CELSR3: variants seen among roughly 807,000 people sequenced by gnomAD.
The protein encoded by CELSR3 is cadherin EGF LAG seven-pass G-type receptor 3.
A neutral mutation model predicts 270.0 loss-of-function variants in CELSR3; 73 were observed. The ratio of observed to expected loss-of-function variants is 0.27; its 90% CI spans 0.22 to 0.33. The LOEUF (loss-of-function observed/expected upper bound fraction) is 0.33. Among genes scored for constraint, CELSR3 ranks in the 10% least tolerant of loss-of-function variants. CELSR3 has a pLI of 1.00. For synonymous variants in CELSR3, 1,780 were observed against 1,905.4 expected (o/e 0.93, Z 1.71); for missense variants, 3,614 against 4,533.8 (o/e 0.80, Z 5.83).
At chr3:48,649,270 G>C in intron 16 of CELSR3, 55 bp from the exon 17 acceptor site, 1 of 1,346,226 alleles carries the variant, frequency 7.4e-7, no homozygotes, top group South Asian at 1.2e-5. Flanking sequence ...TTGCTGAGGA[G>C]ATAACCGCAG....
chr3:48,661,984 G>T lies in CELSR3; in HGVS notation c.651C>A (p.Gly217=). 6.2e-7 allele frequency: 1 copy of T among 1,613,934 alleles called. No individual in the cohort carries two copies. Among genetic ancestry groups the T allele is most frequent in the South Asian group, 1.1e-5 (1 of 91,084 alleles). ...CTGCTCCGGATGTCGTGGCTCTCTCGCCCTGACCCTTGCTCCCTGTTGCCC... is the reference window on the plus strand; with the variant it reads ...CTGCTCCGGATGTCGTGGCTCTCTCTCCCTGACCCTTGCTCCCTGTTGCCC... ...ELWATGSKGQ[G]ERATTSGAER... is the part of the protein sequence containing the mutation. Residue 217 remains glycine (G), a synonymous_variant, in exon 1 of 35, where the codon GGC becomes GGA. Transcript: ENST00000164024.
Position 48,659,273 on chromosome 3 carries a change from G to A in CELSR3, c.3362C>T (p.Ser1121Phe). Residue 1121 changes from serine (S) to phenylalanine (F), a missense_variant, in exon 1 of 35, where the codon TCT becomes TTT. Ser to Phe is a radical substitution (Grantham distance 155). Coordinates refer to ENST00000164024, the MANE Select transcript of CELSR3 (RefSeq NM_001407.3). The surrounding 1 kb of genome is among the most constrained non-coding windows in gnomAD (Gnocchi z 8.1). ...GTCAATGAGTGCCGTCAGTTCTCCA[G>A]AGAAGATGTCCATTTGGAACAGCTC... ...IPELFQMDIF[S>F]GELTALIDLD... 6.2e-7 allele frequency: 1 copy of A among 1,614,172 alleles called. No homozygotes were observed. The highest frequency in any genetic ancestry group is 8.5e-7 in the Non-Finnish European group (1 of 1,180,036).
At position 48,655,870 on chromosome 3, in the gene CELSR3, G is replaced by T. The variant is rs1260086959; in HGVS notation, c.4626-19C>A. 7.5e-7 allele frequency: 1 copy of T among 1,328,928 alleles called. No homozygotes were observed. The highest frequency in any genetic ancestry group is 1.2e-5 in the South Asian group (1 of 82,244). The allele number at this position is 1,328,928 out of a possible 1,614,324, so 82.3% of individuals were successfully genotyped here. On this transcript the variant is annotated intron_variant, in intron 3 of 34. Coordinates refer to ENST00000164024, the MANE Select transcript of CELSR3 (RefSeq NM_001407.3). This position sits in a 1 kb window ranked among gnomAD's most constrained non-coding sequence, Gnocchi z 5.8. ...CGCGAACCTGGGCGGGGTGGGAGGGGGTTGCGGGGGTGGGAGCGTCAGGAG... is the reference window on the plus strand; with the variant it reads ...CGCGAACCTGGGCGGGGTGGGAGGGTGTTGCGGGGGTGGGAGCGTCAGGAG...
In CELSR3 at chr3:48,657,830, AT is replaced by A. The variant is rs2077034736; in HGVS notation, c.3749-483del. On this transcript the variant is annotated intron_variant, in intron 1 of 34. Transcript: ENST00000164024. The surrounding 1 kb of genome is among the most constrained non-coding windows in gnomAD (Gnocchi z 5.4). The stretch of plus-strand genomic sequence containing the variant: ...CCCCTCCAGAAAAGAAGGGTTCCAG[AT>A]CAGGGATCACCTATCTCCTATTTTT... 6.6e-6 allele frequency among the ~76,000 whole-genome samples: 1 copy of A among 152,162 alleles called. No individual in the cohort carries two copies. The highest frequency in any genetic ancestry group is 2.4e-5 in the African/African-American group (1 of 41,448).
At position 48,641,312 on chromosome 3, in the gene CELSR3, C is replaced by T; in HGVS notation, c.9025+12G>A. 2 of 1,579,218 alleles carry T rather than the reference C, an allele frequency of 1.3e-6. No individual in the cohort carries two copies. Among genetic ancestry groups the T allele is most frequent in the Non-Finnish European group, 1.7e-6 (2 of 1,150,618 alleles). The stretch of plus-strand genomic sequence containing the variant: ...CGTGTCTGCGGTGTGGGCCAGGGCT[C>T]AGGGACTGTACCTTTCCTCTGGCGC... On this transcript the variant is annotated intron_variant, in intron 33 of 34. Transcript: ENST00000164024. This position sits in a 1 kb window ranked among gnomAD's most constrained non-coding sequence, Gnocchi z 4.8.
Position 48,655,859 on chromosome 3 carries a change from G to T in CELSR3, c.4626-8C>A. 1 of 1,433,728 alleles carries T rather than the reference G, an allele frequency of 7.0e-7. No individual in the cohort carries two copies. The highest frequency in any genetic ancestry group is 9.8e-7 in the Non-Finnish European group (1 of 1,020,972). The allele number at this position is 1,433,728 out of a possible 1,614,324, so 88.8% of individuals were successfully genotyped here. On this transcript the variant is annotated splice_region_variant and splice_polypyrimidine_tract_variant and intron_variant, in intron 3 of 34. Transcript: ENST00000164024. This position sits in a 1 kb window ranked among gnomAD's most constrained non-coding sequence, Gnocchi z 5.8. ...TGCTGCACTGTCGCGAACCTGGGCG[G>T]GGTGGGAGGGGGTTGCGGGGGTGGG...
rs754973702 is a variant in CELSR3 at position 48,645,017 on chromosome 3, GGGGGTCACA to G, written c.7972+9_7972+17del. 233 of 1,564,754 alleles carry G rather than the reference GGGGGTCACA, an allele frequency of 1.5e-4. No individual in the cohort carries two copies. Among genetic ancestry groups the G allele is most frequent in the Non-Finnish European group, 1.8e-4 (211 of 1,149,176 alleles). ...TCAGGCCATGTGATGGTTGGAGGTTGGGGGTCACAGCCCTCACCCAGCAGCACAGCAGGG... is the reference window on the plus strand; with the variant it reads ...TCAGGCCATGTGATGGTTGGAGGTTGGCCCTCACCCAGCAGCACAGCAGGG... On this transcript the variant is annotated intron_variant, in intron 25 of 34. Coordinates refer to ENST00000164024, the MANE Select transcript of CELSR3 (RefSeq NM_001407.3). This position sits in a 1 kb window ranked among gnomAD's most constrained non-coding sequence, Gnocchi z 5.4.
In CELSR3 at chr3:48,659,557, G is replaced by C; in HGVS notation, c.3078C>G (p.Asp1026Glu). 1 of 1,614,162 alleles carries C rather than the reference G, an allele frequency of 6.2e-7. No homozygotes were observed. The stretch of plus-strand genomic sequence containing the variant: ...ACTCATACACTGATACTGCCTCCCG[G>C]TCTAGCCGCCTTACTGTACGGACAA... ...SGIVRTVRRL[D>E]REAVSVYELT... is the part of the protein sequence containing the mutation. Residue 1026 changes from aspartate to glutamate, a missense_variant, in exon 1 of 35, where the codon GAC becomes GAG. This residue lies in a region of CELSR3 where 1,331 missense variants were observed against 1,933.7 expected (regional missense o/e 0.69). Coordinates refer to ENST00000164024, the MANE Select transcript of CELSR3 (RefSeq NM_001407.3). This position sits in a 1 kb window ranked among gnomAD's most constrained non-coding sequence, Gnocchi z 8.1.
Position 48,653,932 on chromosome 3 carries a change from C to T in CELSR3, c.5224G>A (p.Gly1742Ser). 6.2e-7 allele frequency: 1 copy of T among 1,613,526 alleles called. No individual in the cohort carries two copies. The highest frequency in any genetic ancestry group is 1.7e-5 in the Admixed American group (1 of 60,032). ...KNSGFCSERW[G>S]SFSCDCPVGF... ...ACAGGGCAGTCGCAGCTGAAGCTGC[C>T]CCAGCGCTCCGAGCAGAAGCCACTG... is the stretch of plus-strand genomic sequence containing the variant. The change falls in exon 8 of 35, where the codon GGC (glycine) becomes AGC (serine). Residue 1742 changes from glycine (G) to serine (S), a missense_variant. Gly to Ser is a moderately conservative substitution (Grantham distance 56, BLOSUM62 0). This residue lies in a region of CELSR3 where 1,331 missense variants were observed against 1,933.7 expected (regional missense o/e 0.69). Coordinates refer to ENST00000164024, the MANE Select transcript of CELSR3 (RefSeq NM_001407.3). The surrounding 1 kb of genome is among the most constrained non-coding windows in gnomAD (Gnocchi z 6.5).
chr3:48,642,098 C>A lies in CELSR3; in HGVS notation c.8666-89G>T, dbSNP rs2047032572. 2 of 1,303,538 alleles carry A rather than the reference C, an allele frequency of 1.5e-6. No individual in the cohort carries two copies. The highest frequency in any genetic ancestry group is 3.0e-5 in the African/African-American group (2 of 67,288). 80.7% of individuals were successfully genotyped at this position (1,303,538 alleles called of 1,614,324 possible). A position where few individuals can be genotyped will look rare whatever the true frequency, so the allele number is the denominator to read the frequency against. On this transcript the variant is annotated intron_variant, in intron 31 of 34. Transcript: ENST00000164024. This position sits in a 1 kb window ranked among gnomAD's most constrained non-coding sequence, Gnocchi z 6.1. Reference sequence around the variant, plus strand: ...GTTGAGGGTCTAGAGGTGGGTACGGCAAGGGGGTTAGGGTTGGGGACAGGA... The same window carrying A: ...GTTGAGGGTCTAGAGGTGGGTACGGAAAGGGGGTTAGGGTTGGGGACAGGA...
At chr3:48,649,862 C>T (rs939758331) in intron 16 of CELSR3, among the ~76,000 whole-genome samples, 10 of 152,270 alleles carry the variant, frequency 6.6e-5, no homozygotes, top group African/African-American at 2.4e-4. Flanking sequence ...GAGATACACA[C>T]GTGAGCATGC....
chr3:48,643,726 A>G, intron 27 of CELSR3, 49 bp from the exon 28 acceptor site: 1 of 1,544,878 alleles, frequency 6.5e-7, no homozygotes, highest in Middle Eastern at 1.7e-4. Context: ...AGGCTCATGT[A>G]GGACTCATGC....
Position 48,639,619 on chromosome 3 carries a change from C to A in CELSR3, c.9911+55G>T, listed in dbSNP as rs997558433. On this transcript the variant is annotated intron_variant, in intron 34 of 34. Transcript: ENST00000164024. This position sits in a 1 kb window ranked among gnomAD's most constrained non-coding sequence, Gnocchi z 4.1. ...GTGGCAGAACACAGGGCAGGGCACA[C>A]AGGAGGTTGCCCTAAGCTGATGAGG... is the stretch of plus-strand genomic sequence containing the variant. 6.3e-7 allele frequency: 1 copy of A among 1,590,638 alleles called. No individual in the cohort carries two copies. The highest frequency in any genetic ancestry group is 2.2e-5 in the East Asian group (1 of 44,728).
rs188966486 is a variant in CELSR3 at position 48,644,055 on chromosome 3, G to C, written c.8165+161C>G. On this transcript the variant is annotated intron_variant, in intron 27 of 34. Coordinates refer to ENST00000164024, the MANE Select transcript of CELSR3 (RefSeq NM_001407.3). The surrounding 1 kb of genome is among the most constrained non-coding windows in gnomAD (Gnocchi z 4.8). ...CACATGTGGGGCTACAGTATAGCGA[G>C]GGCGCCAGAGAGGGACCACAGGTCA... 1 of 627,260 alleles carries C rather than the reference G, an allele frequency of 1.6e-6. No individual in the cohort carries two copies. The highest frequency in any genetic ancestry group is 2.9e-5 in the Admixed American group (1 of 34,210). The allele number at this position is 627,260 out of a possible 1,614,324, so 38.9% of individuals were successfully genotyped here.
rs1022760552 is a variant in CELSR3, at chr3:48,642,231, T to A, written c.8665+127A>T. On this transcript the variant is annotated intron_variant, in intron 31 of 34. Coordinates refer to ENST00000164024, the MANE Select transcript of CELSR3 (RefSeq NM_001407.3). This position sits in a 1 kb window ranked among gnomAD's most constrained non-coding sequence, Gnocchi z 6.1. ...CAGGGCTGGAGAGGTAGGTGCCTCC[T>A]GAGGCAGGGACCCTGGGGGAGATCG... 4 of 1,073,042 alleles carry A rather than the reference T, an allele frequency of 3.7e-6. No individual in the cohort carries two copies. Among genetic ancestry groups the A allele is most frequent in the Non-Finnish European group, 5.3e-6 (4 of 761,740 alleles). 66.5% of individuals were successfully genotyped at this position (1,073,042 alleles called of 1,614,324 possible).
rs200430426 is a variant in CELSR3, at chr3:48,655,737, C to A, written c.4740G>T (p.Thr1580=). The change falls in exon 4 of 35, where the codon ACG becomes ACT. Residue 1580 remains threonine (T), a splice_region_variant and synonymous_variant. Coordinates refer to ENST00000164024, the MANE Select transcript of CELSR3 (RefSeq NM_001407.3). This position sits in a 1 kb window ranked among gnomAD's most constrained non-coding sequence, Gnocchi z 5.8. ...CGCCGTCACATCCGGGGCACCCACC[C>A]GTGGAATATGTGAGCCGCACTTGGC... is the stretch of plus-strand genomic sequence containing the variant. ...VAGQVRLTYS[T]GESNTVVSPT... 57 of 1,612,902 alleles carry A rather than the reference C, an allele frequency of 3.5e-5. No homozygotes were observed. In the East Asian group the frequency reaches 1.2e-3, roughly 35 times the overall value.
chr3:48,654,171 T>C lies in CELSR3; in HGVS notation c.5152+118A>G. The C allele has an allele frequency of 6.6e-7, 1 of 1,510,458 alleles. No individual in the cohort carries two copies. The highest frequency in any genetic ancestry group is 9.0e-7 in the Non-Finnish European group (1 of 1,114,442). 93.6% of individuals were successfully genotyped at this position (1,510,458 alleles called of 1,614,324 possible). On this transcript the variant is annotated intron_variant, in intron 7 of 34. Coordinates refer to ENST00000164024, the MANE Select transcript of CELSR3 (RefSeq NM_001407.3). This position sits in a 1 kb window ranked among gnomAD's most constrained non-coding sequence, Gnocchi z 5.4. Reference sequence around the variant, plus strand: ...AAGAGTCAGGCCCTAAAATCTGGGCTGTAGCATGGTGCTTGCCACCAAAGG... The same window carrying C: ...AAGAGTCAGGCCCTAAAATCTGGGCCGTAGCATGGTGCTTGCCACCAAAGG...
At chr3:48,656,611 A>G in intron 2 of CELSR3, 87 bp downstream of exon 2, 1 of 1,407,572 alleles carries the variant, frequency 7.1e-7, no homozygotes, top group Non-Finnish European at 9.3e-7. Context: ...TGGCCTCAGA[A>G]GTGACTCCCA....
Position 48,642,182 on chromosome 3 carries a change from G to T in CELSR3, c.8666-173C>A. On this transcript the variant is annotated intron_variant, in intron 31 of 34. Coordinates refer to ENST00000164024, the MANE Select transcript of CELSR3 (RefSeq NM_001407.3). This position sits in a 1 kb window ranked among gnomAD's most constrained non-coding sequence, Gnocchi z 6.1. ...GCTGGGACTTATCAGAGGGAAGGAC[G>T]AATCAGGAGTGGACTGGGAGAACCA... 1.2e-6 allele frequency: 1 copy of T among 868,428 alleles called. No individual in the cohort carries two copies. Among genetic ancestry groups the T allele is most frequent in the Non-Finnish European group, 1.7e-6 (1 of 580,602 alleles). 53.8% of individuals were successfully genotyped at this position (868,428 alleles called of 1,614,324 possible). A position where few individuals can be genotyped will look rare whatever the true frequency, so the allele number is the denominator to read the frequency against.
Sources: allele counts gnomAD v4.1 joint callset (sites outside exome capture counted in the v4.1 genomes callset), GRCh38; gene constraint gnomAD v4.1.1; regional missense constraint gnomAD v4.1.1; non-coding constraint Gnocchi (gnomAD v3.1); transcripts MANE v1.5; gene names NCBI Gene and HGNC (gene_info 2026-07-23, HGNC 2026-07-21).